Variants in MOXD1 observed in about 807,000 individuals in gnomAD.
MOXD1 encodes DBH-like monooxygenase protein 1.
MOXD1 carries 62 observed loss-of-function variants against 66.6 expected under a neutral mutation model. The ratio of observed to expected loss-of-function variants is 0.93; its 90% CI spans 0.76 to 1.15. The LOEUF is 1.15. Ranked by LOEUF, MOXD1 falls within the 50% of genes most tolerant of loss-of-function variation. The pLI is 0.00. For missense variants in MOXD1, 847 were observed against 754.6 expected (o/e 1.12, Z -1.44); for synonymous variants, 303 against 281.9 (o/e 1.07, Z -0.75).
intron 4 of MOXD1, among the ~76,000 whole-genome samples, chr6:132,333,583 G>C: frequency 6.6e-6 from 1 of 152,152 alleles, no homozygotes; most frequent in Non-Finnish European, 1.5e-5. Flanking sequence ...ATTTAATCTT[G>C]CTTGTAGCCT....
intron 4 of MOXD1, among the ~76,000 whole-genome samples, chr6:132,346,107 C>T (rs1318377001): frequency 6.6e-6 from 1 of 151,532 alleles, no homozygotes; most frequent in Non-Finnish European, 1.5e-5. Flanking sequence ...ATAATTCTAT[C>T]CAAGAAAGGG....
intron 10 of MOXD1, among the ~76,000 whole-genome samples, chr6:132,305,111 T>G (rs1774658150): frequency 6.6e-6 from 1 of 152,308 alleles, no homozygotes; most frequent in South Asian, 2.1e-4. Flanking sequence ...CCTAACGTAC[T>G]AAGCTCCCTG....
At chr6:132,309,630 G>C (rs1287536455) in intron 10 of MOXD1, among the ~76,000 whole-genome samples, 1 of 152,112 alleles carries the variant, frequency 6.6e-6, no homozygotes, top group Non-Finnish European at 1.5e-5. Context: ...ATACTACAAG[G>C]CTACAGTAAC....
chr6:132,357,658 C>T (rs1412384539), intron 4 of MOXD1, among the ~76,000 whole-genome samples: 1 of 151,992 alleles, frequency 6.6e-6, no homozygotes, highest in African/African-American at 2.4e-5. Context: ...TTCTAAATTA[C>T]TGGATAATAA....
chr6:132,341,624 C>T (rs888889025), intron 4 of MOXD1, among the ~76,000 whole-genome samples: 2 of 152,158 alleles, frequency 1.3e-5, no homozygotes, highest in Non-Finnish European at 2.9e-5. Context: ...CTGCATGTTA[C>T]CCCCATGGTC....
rs536922520 is a variant in MOXD1 at position 132,379,074 on chromosome 6, A to G, written c.265-4297T>C. On this transcript the variant is annotated intron_variant, in intron 1 of 11. Transcript: ENST00000367963. ...CAAAATTAAAGACACTACCAAAAAA[A>G]CTACACACCATCAACACTCATGGAC... Among the ~76,000 whole-genome samples the G allele has an allele frequency of 2.0e-5, 3 of 151,324 alleles. No individual in the cohort carries two copies. The South Asian group carries it at 6.3e-4, about 32-fold the overall frequency.
intron 10 of MOXD1, among the ~76,000 whole-genome samples, chr6:132,306,268 T>C (rs1273747228): frequency 3.3e-5 from 5 of 151,808 alleles, no homozygotes; most frequent in African/African-American, 4.8e-5. Context: ...ATATCAGAGT[T>C]TGAAGGCCAC....
chr6:132,357,590 T>G (rs1218759123), intron 4 of MOXD1, among the ~76,000 whole-genome samples: 1 of 152,048 alleles, frequency 6.6e-6, no homozygotes, highest in Non-Finnish European at 1.5e-5. Context: ...ATATTTCAAT[T>G]TTTCCCTCTT....
At chr6:132,340,126 G>T (rs1437063805) in intron 4 of MOXD1, among the ~76,000 whole-genome samples, 2 of 152,002 alleles carry the variant, frequency 1.3e-5, no homozygotes, top group Non-Finnish European at 2.9e-5. Context: ...CTTGTGATCC[G>T]CCTGCCTCAG....
intron 10 of MOXD1, among the ~76,000 whole-genome samples, chr6:132,307,028 C>T (rs1376700640): frequency 6.6e-6 from 1 of 152,108 alleles, no homozygotes; most frequent in Middle Eastern, 3.2e-3. Context: ...CAATACTAAC[C>T]TTAAATGTAA....
At chr6:132,338,143 T>TTTC (rs1775477767) in intron 4 of MOXD1, among the ~76,000 whole-genome samples, 1 of 152,170 alleles carries the variant, frequency 6.6e-6, no homozygotes, top group South Asian at 2.1e-4. Context: ...ATACAGAAGA[T>TTTC]GAAGCACATA....
In MOXD1 at chr6:132,323,016, G is replaced by A. The variant is rs561455414; in HGVS notation, c.1114-146C>T. ...TTGAACTGAAAAAGAGTTTGAATTCGGATTGTTCAGTGTTCTCCTTGTGAA... is the reference window on the plus strand; with the variant it reads ...TTGAACTGAAAAAGAGTTTGAATTCAGATTGTTCAGTGTTCTCCTTGTGAA... On this transcript the variant is annotated intron_variant, in intron 7 of 11. Transcript: ENST00000367963. 1,051 of 766,892 alleles carry A rather than the reference G, an allele frequency of 1.4e-3. 6 individuals carry two copies. Among genetic ancestry groups the A allele is most frequent in the Non-Finnish European group, 1.8e-3 (895 of 506,996 alleles). The allele number at this position is 766,892 out of a possible 1,614,324, so 47.5% of individuals were successfully genotyped here.
chr6:132,309,588 G>C (rs757359913), intron 10 of MOXD1, among the ~76,000 whole-genome samples: 25 of 152,260 alleles, frequency 1.6e-4, no homozygotes, highest in Non-Finnish European at 3.1e-4. Context: ...AAAGAACAAA[G>C]CTGGAGGCAT....
intron 9 of MOXD1, among the ~76,000 whole-genome samples, chr6:132,316,759 A>G: frequency 6.6e-6 from 1 of 152,162 alleles, no homozygotes; most frequent in East Asian, 1.9e-4. Context: ...CTATGGGACA[A>G]CATTAAATGT....
chr6:132,372,150 T>G (rs531014489), intron 4 of MOXD1, among the ~76,000 whole-genome samples: 49 of 152,366 alleles, frequency 3.2e-4, no homozygotes, highest in African/African-American at 1.0e-3. Context: ...AGAAATTCAC[T>G]AATTTTCTTT....
intron 9 of MOXD1, among the ~76,000 whole-genome samples, chr6:132,316,405 TCAGA>T (rs1047402174): frequency 1.3e-5 from 2 of 152,118 alleles, no homozygotes; most frequent in African/African-American, 4.8e-5. Context: ...GCTGGATTTA[TCAGA>T]CAATGACTTG....
chr6:132,336,513 C>A (rs1018662320), intron 4 of MOXD1, among the ~76,000 whole-genome samples: 3 of 152,180 alleles, frequency 2.0e-5, no homozygotes, highest in Non-Finnish European at 4.4e-5. Context: ...ACAGGAACGG[C>A]TCTTTTAGCC....
At chr6:132,320,136 TC>T (rs1775046148) in intron 9 of MOXD1, among the ~76,000 whole-genome samples, 1 of 152,176 alleles carries the variant, frequency 6.6e-6, no homozygotes, top group African/African-American at 2.4e-5. Context: ...TGGGAGGTGT[TC>T]CCTCTTTTAG....
intron 1 of MOXD1, among the ~76,000 whole-genome samples, chr6:132,378,493 T>C (rs1484509182): frequency 1.3e-5 from 2 of 151,934 alleles, no homozygotes; most frequent in East Asian, 3.9e-4. Context: ...AAAATAAAAA[T>C]ACTGATTGTA....
Sources: gnomAD v4.1 joint callset for allele counts (sites outside exome capture counted in the v4.1 genomes callset) on GRCh38, gnomAD v4.1.1 for gene constraint, MANE v1.5 for transcripts, NCBI Gene and HGNC (gene_info 2026-07-23, HGNC 2026-07-21) for gene names.